PLPP4: variants seen among roughly 807,000 people sequenced by gnomAD.
PLPP4 encodes diacylglycerol pyrophosphate like 2.
In PLPP4, 20 loss-of-function variants were observed where a neutral mutation model predicts 32.2. The observed-to-expected ratio is 0.62, with a 90% confidence interval of 0.44 to 0.90. The LOEUF is 0.90. Among genes scored for constraint, PLPP4 ranks in the 40% least tolerant of loss-of-function variants. The probability of loss-of-function intolerance (pLI) is 0.00; values close to 1 mark genes in which losing one functional copy is unlikely to be tolerated. For synonymous variants in PLPP4, 127 were observed against 133.0 expected (o/e 0.95, Z 0.31); for missense variants, 257 against 353.1 (o/e 0.73, Z 2.18).
At chr10:120,501,981 G>C (rs919688974) in intron 1 of PLPP4, among the ~76,000 whole-genome samples, 2 of 152,162 alleles carry the variant, frequency 1.3e-5, no homozygotes, top group Admixed American at 1.3e-4. Flanking sequence ...AGCAGCTGGG[G>C]CAGAGACCAG....
chr10:120,489,952 G>C (rs868265539), intron 1 of PLPP4, among the ~76,000 whole-genome samples: 5 of 152,144 alleles, frequency 3.3e-5, no homozygotes, highest in Non-Finnish European at 5.9e-5. Flanking sequence ...ACTATTCTAA[G>C]TGCTGGGGAT....
chr10:120,551,932 A>G (rs1847918688), intron 5 of PLPP4, among the ~76,000 whole-genome samples: 1 of 152,048 alleles, frequency 6.6e-6, no homozygotes, highest in Non-Finnish European at 1.5e-5. Context: ...TCATAAGCCT[A>G]TTTGTTGCTT....
Position 120,490,942 on chromosome 10 carries a change from C to T in PLPP4, c.57-12876C>T, listed in dbSNP as rs571343605. Among the ~76,000 whole-genome samples, 9 of 152,328 alleles carry T rather than the reference C, an allele frequency of 5.9e-5. No homozygotes were observed. In the South Asian group the frequency reaches 1.7e-3, roughly 28 times the overall value. ...CCTTCAAACTAAGTTCTGTTTTTCA[C>T]TGTGTTTTCCCCTGAGTGATGAGTA... On this transcript the variant is annotated intron_variant, in intron 1 of 6. Transcript: ENST00000398250.
intron 6 of PLPP4, among the ~76,000 whole-genome samples, chr10:120,586,330 G>C (rs1414480055): frequency 6.7e-6 from 1 of 148,580 alleles, no homozygotes; most frequent in Non-Finnish European, 1.5e-5. Flanking sequence ...TTTTAGTAGA[G>C]ACAGGGTTTC....
At chr10:120,513,099 AAAC>A (rs1845795196) in intron 2 of PLPP4, among the ~76,000 whole-genome samples, 1 of 152,210 alleles carries the variant, frequency 6.6e-6, no homozygotes, top group African/African-American at 2.4e-5. Context: ...GAAGGTTTAA[AAAC>A]AATTTACTAA....
intron 5 of PLPP4, among the ~76,000 whole-genome samples, chr10:120,527,347 T>G (rs575375707): frequency 1.3e-5 from 2 of 152,210 alleles, no homozygotes; most frequent in African/African-American, 4.8e-5. Context: ...AGTCTTGACG[T>G]AGAACTCCTT....
intron 1 of PLPP4, among the ~76,000 whole-genome samples, chr10:120,459,605 A>G (rs1847950312): frequency 6.6e-6 from 1 of 152,214 alleles, no homozygotes; most frequent in Non-Finnish European, 1.5e-5. Flanking sequence ...TCTTAGCAGC[A>G]CAGGGGTTTA....
intron 5 of PLPP4, among the ~76,000 whole-genome samples, chr10:120,542,328 T>C (rs1252288643): frequency 6.6e-6 from 1 of 152,236 alleles, no homozygotes; most frequent in Non-Finnish European, 1.5e-5. Context: ...GGTCATTACC[T>C]GCTGTTTTCT....
In PLPP4 at chr10:120,575,217, C is replaced by T. The variant is rs760752852; in HGVS notation, c.532C>T (p.Arg178Trp). 17 of 1,613,908 alleles carry T rather than the reference C, an allele frequency of 1.1e-5. No individual in the cohort carries two copies. Among genetic ancestry groups the T allele is most frequent in the African/African-American group, 6.7e-5 (5 of 74,944 alleles). Reference protein sequence around the residue: ...FTESGRGKSWRLCAAILPLYC... With the variant: ...FTESGRGKSWWLCAAILPLYC... ...CGAGAGTGGGCGGGGAAAGAGCTGG[C>T]GGCTCTGTGCTGCCATCCTGCCCTT... is the stretch of plus-strand genomic sequence containing the variant. The change falls in exon 6 of 7, where the codon CGG becomes TGG. Residue 178 changes from arginine to tryptophan, a missense_variant. By Grantham distance (101) the Arg-to-Trp change is moderately radical. Transcript: ENST00000398250.
intron 1 of PLPP4, among the ~76,000 whole-genome samples, chr10:120,495,915 C>T (rs1467902452): frequency 6.6e-6 from 1 of 152,154 alleles, no homozygotes; most frequent in Non-Finnish European, 1.5e-5. Context: ...AGAATATTCA[C>T]AATGGCCTTG....
chr10:120,461,723 T>C (rs1272905282), intron 1 of PLPP4, among the ~76,000 whole-genome samples: 1 of 152,266 alleles, frequency 6.6e-6, no homozygotes, highest in Non-Finnish European at 1.5e-5. Flanking sequence ...CCACCATTTG[T>C]TATTGTCTCC....
At chr10:120,469,678 G>T (rs771630648) in intron 1 of PLPP4, among the ~76,000 whole-genome samples, 12 of 152,050 alleles carry the variant, frequency 7.9e-5, no homozygotes, top group Non-Finnish European at 1.2e-4. Flanking sequence ...AAAGTATAAG[G>T]CTCCTGGAAC....
At chr10:120,558,815 T>G (rs957362651) in intron 5 of PLPP4, among the ~76,000 whole-genome samples, 1 of 152,250 alleles carries the variant, frequency 6.6e-6, no homozygotes, top group African/African-American at 2.4e-5. Flanking sequence ...TTGAGTCATC[T>G]CTAGTATGGA....
At chr10:120,580,118 A>AG in intron 6 of PLPP4, among the ~76,000 whole-genome samples, 1 of 60,128 alleles carries the variant, frequency 1.7e-5, no homozygotes, top group Non-Finnish European at 3.2e-5. Context: ...AGACTCTCAA[A>AG]AAAAAAAAAA....
intron 1 of PLPP4, chr10:120,503,513 T>C (rs1845360987): frequency 1.3e-6 from 2 of 1,576,372 alleles, no homozygotes; most frequent in Non-Finnish European, 1.7e-6. Context: ...TATTCTGACT[T>C]CAGTTTCCAG....
Position 120,521,382 on chromosome 10 carries a change from T to C in PLPP4, c.445+287T>C, listed in dbSNP as rs1846148086. On this transcript the variant is annotated intron_variant, in intron 5 of 6. Transcript: ENST00000398250. ...CACAGTACGATTTAGGACAAGGGAATTCTCTACGCTCCCTGGGAGCCTCCA... is the reference window on the plus strand; with the variant it reads ...CACAGTACGATTTAGGACAAGGGAACTCTCTACGCTCCCTGGGAGCCTCCA... Among the ~76,000 whole-genome samples, 7 of 152,326 alleles carry C rather than the reference T, an allele frequency of 4.6e-5. No homozygotes were observed. In the South Asian group the frequency reaches 1.4e-3, roughly 32 times the overall value.
chr10:120,531,873 T>TACACAC (rs145252286), intron 5 of PLPP4, among the ~76,000 whole-genome samples: 2,343 of 148,210 alleles, frequency 0.016, 25 homozygotes, highest in East Asian at 0.063. Flanking sequence ...CTACACACAC[T>TACACAC]ACACACACAC....
At chr10:120,540,360 A>T (rs2133959516) in intron 5 of PLPP4, among the ~76,000 whole-genome samples, 1 of 152,252 alleles carries the variant, frequency 6.6e-6, no homozygotes, top group Non-Finnish European at 1.5e-5. Flanking sequence ...TACTCTGTAA[A>T]CTCTTTAAAA....
chr10:120,470,768 G>GCC (rs144329392), intron 1 of PLPP4, among the ~76,000 whole-genome samples: 25 of 151,734 alleles, frequency 1.6e-4, no homozygotes, highest in African/African-American at 5.3e-4. Flanking sequence ...GGGAAAATTT[G>GCC]CCCCCCCGTA....
Sources: gnomAD v4.1 joint callset for allele counts (sites outside exome capture counted in the v4.1 genomes callset) on GRCh38, gnomAD v4.1.1 for gene constraint, MANE v1.5 for transcripts, NCBI Gene and HGNC (gene_info 2026-07-23, HGNC 2026-07-21) for gene names.